The following COG5 variants were observed in gnomAD, a reference collection of about 807,000 sequenced individuals.
COG5 encodes component of oligomeric golgi complex 5, also known as conserved oligomeric Golgi complex subunit 5.
Under a neutral mutation model 110.4 loss-of-function variants are expected in COG5, and 86 were observed. That is an observed-to-expected ratio of 0.78 (90% CI 0.65 to 0.93). The LOEUF is 0.93. COG5 is among the 40% of genes least tolerant of loss of function. The pLI, the probability that COG5 is intolerant of heterozygous loss-of-function variation, is 0.00. For synonymous variants in COG5, 360 were observed against 334.6 expected (o/e 1.08, Z -0.83); for missense variants, 1,077 against 987.0 (o/e 1.09, Z -1.22).
At position 107,558,888 on chromosome 7, in the gene COG5, A is replaced by C. The variant is rs1181950411; in HGVS notation, c.95-773T>G. 1.2e-4 allele frequency among the ~76,000 whole-genome samples: 15 copies of C among 127,568 alleles called. 1 individual carries two copies. Among genetic ancestry groups the C allele is most frequent in the East Asian group, 4.4e-4 (2 of 4,574 alleles). 83.7% of individuals were successfully genotyped at this position (127,568 alleles called of 152,430 possible). A position where few individuals can be genotyped will look rare whatever the true frequency, so the allele number is the denominator to read the frequency against. On this transcript the variant is annotated intron_variant, in intron 1 of 21. Transcript: ENST00000297135. ...GGGCGACAGAGCAAGACTCTGTCCC[A>C]AAAAAAAAAAAAAAAGACTTCATCT...
At chr7:107,447,061 G>C (rs1795047821) in intron 6 of COG5, among the ~76,000 whole-genome samples, 1 of 152,150 alleles carries the variant, frequency 6.6e-6, no homozygotes, top group Admixed American at 6.5e-5. Flanking sequence ...TCCAGATTCA[G>C]CCAGGTTTTT....
chr7:107,427,126 A>T (rs1372973633), intron 6 of COG5, among the ~76,000 whole-genome samples: 19 of 152,174 alleles, frequency 1.2e-4, no homozygotes, highest in Admixed American at 8.5e-4. Context: ...CATCTATATG[A>T]TCATAAACAC....
chr7:107,523,493 A>C (rs1800481788), intron 6 of COG5, among the ~76,000 whole-genome samples: 1 of 152,118 alleles, frequency 6.6e-6, no homozygotes, highest in South Asian at 2.1e-4. Context: ...TGTAGGGGGA[A>C]GTAGAACTTT....
chr7:107,433,910 A>G (rs904642007), intron 6 of COG5, among the ~76,000 whole-genome samples: 2 of 152,232 alleles, frequency 1.3e-5, no homozygotes, highest in Admixed American at 6.5e-5. Context: ...TTTGCAAATA[A>G]TATTTCTAAT....
intron 17 of COG5, among the ~76,000 whole-genome samples, chr7:107,240,309 G>A (rs540755307): frequency 1.4e-4 from 22 of 152,114 alleles, no homozygotes; most frequent in Admixed American, 9.2e-4. Context: ...TCTGCCTCCA[G>A]GGTTCAAGCG....
chr7:107,382,053 TG>T (rs1815169742), intron 7 of COG5, among the ~76,000 whole-genome samples: 1 of 152,236 alleles, frequency 6.6e-6, no homozygotes, highest in South Asian at 2.1e-4. Context: ...AGGCTTTGAC[TG>T]GAAGGGTATG....
At chr7:107,263,456 A>T (rs1803535308) in intron 14 of COG5, among the ~76,000 whole-genome samples, 1 of 152,246 alleles carries the variant, frequency 6.6e-6, no homozygotes, top group Non-Finnish European at 1.5e-5. Flanking sequence ...ATTGTAAAAT[A>T]GGAGAAATGT....
In COG5 at chr7:107,236,578, A is replaced by G. The variant is rs147162102; in HGVS notation, c.1963T>C (p.Leu655=). The change falls in exon 18 of 22, where the codon TTG becomes CTG. Residue 655 remains leucine (L), a synonymous_variant. Transcript: ENST00000297135. ...MSDYFKHFEC[L]DFVFDNTEAI... ...TCAGTGTTGTCAAAGACAAAATCCA[A>G]GCATTCAAAGTGTTTAAAATAGTCA... The G allele has an allele frequency of 1.2e-6, 2 of 1,614,026 alleles. No individual in the cohort carries two copies. The highest frequency in any genetic ancestry group is 2.7e-5 in the African/African-American group (2 of 74,934).
At chr7:107,377,862 G>C (rs1186272269) in intron 7 of COG5, among the ~76,000 whole-genome samples, 1 of 152,214 alleles carries the variant, frequency 6.6e-6, no homozygotes, top group Non-Finnish European at 1.5e-5. Context: ...GGGTGGCTGT[G>C]GGCGCAACTA....
At chr7:107,290,139 CTCT>C (rs1231446934) in intron 12 of COG5, among the ~76,000 whole-genome samples, 3 of 152,176 alleles carry the variant, frequency 2.0e-5, no homozygotes, top group Non-Finnish European at 4.4e-5. Context: ...TTCCTGTACC[CTCT>C]TCTTTCACAT....
intron 6 of COG5, among the ~76,000 whole-genome samples, chr7:107,469,039 T>A (rs1167180817): frequency 6.7e-6 from 1 of 150,054 alleles, no homozygotes; most frequent in Non-Finnish European, 1.5e-5. Flanking sequence ...TAATTTAAAA[T>A]TTTTAATTTA....
At chr7:107,506,068 G>A (rs1279274949) in intron 6 of COG5, among the ~76,000 whole-genome samples, 1 of 152,218 alleles carries the variant, frequency 6.6e-6, no homozygotes, top group Non-Finnish European at 1.5e-5. Context: ...TAGTAGTAAT[G>A]AAAAGGTTAT....
At chr7:107,402,537 T>C (rs555281596) in intron 7 of COG5, among the ~76,000 whole-genome samples, 13 of 152,208 alleles carry the variant, frequency 8.5e-5, no homozygotes, top group Non-Finnish European at 1.6e-4. Context: ...CTGATCCAGA[T>C]CACAATTTCT....
At chr7:107,359,217 G>C (rs557068489) in intron 10 of COG5, among the ~76,000 whole-genome samples, 105 of 152,300 alleles carry the variant, frequency 6.9e-4, no homozygotes, top group African/African-American at 2.5e-3. Context: ...CCACTGCCTG[G>C]CCTCTCCCAA....
At chr7:107,250,385 T>C (rs1802409895) in intron 16 of COG5, among the ~76,000 whole-genome samples, 2 of 152,132 alleles carry the variant, frequency 1.3e-5, no homozygotes, top group Middle Eastern at 6.8e-3. Flanking sequence ...GTACACAGTT[T>C]GAGTATAACC....
At chr7:107,316,149 G>C (rs1468968302) in intron 11 of COG5, among the ~76,000 whole-genome samples, 2 of 152,138 alleles carry the variant, frequency 1.3e-5, no homozygotes, top group Non-Finnish European at 2.9e-5. Flanking sequence ...TACATAAAAA[G>C]AGAGAGAGTA....
chr7:107,470,098 A>G (rs1352107285), intron 6 of COG5: 1 of 152,182 alleles, frequency 6.6e-6, no homozygotes, highest in Non-Finnish European at 1.5e-5. Context: ...TCCTCTGAAA[A>G]GCAGTGCCGT....
intron 11 of COG5, among the ~76,000 whole-genome samples, chr7:107,302,470 T>C (rs1048010702): frequency 1.4e-4 from 22 of 152,112 alleles, no homozygotes; most frequent in African/African-American, 5.3e-4. Flanking sequence ...ATTTCAGGGG[T>C]GTACTCATAT....
At chr7:107,446,522 C>T (rs1795014545) in intron 6 of COG5, among the ~76,000 whole-genome samples, 1 of 152,138 alleles carries the variant, frequency 6.6e-6, no homozygotes. Context: ...AGGGTTGGTC[C>T]ATGTGAACAA....
Sources: allele counts gnomAD v4.1 joint callset (sites outside exome capture counted in the v4.1 genomes callset), GRCh38; gene constraint gnomAD v4.1.1; transcripts MANE v1.5; gene names NCBI Gene and HGNC (gene_info 2026-07-23, HGNC 2026-07-21).